The following TRAPPC8 variants were observed in gnomAD, a reference collection of about 807,000 sequenced individuals.
The protein encoded by TRAPPC8 is trafficking protein particle complex subunit 8.
A neutral mutation model predicts 174.3 loss-of-function variants in TRAPPC8; 54 were observed. That is an observed-to-expected ratio of 0.31 (90% CI 0.25 to 0.39). The LOEUF (loss-of-function observed/expected upper bound fraction) is 0.39. Ranked by LOEUF, TRAPPC8 falls within the 10% of genes least tolerant of loss-of-function variation. TRAPPC8 has a pLI of 1.00. For missense variants in TRAPPC8, 1,531 were observed against 1,699.1 expected, an observed-to-expected ratio of 0.90 and a Z score of 1.74; for synonymous variants, 630 against 579.9, an observed-to-expected ratio of 1.09 and a Z score of -1.24.
chr18:31,887,537 T>G (rs1160983300), intron 12 of TRAPPC8, among the ~76,000 whole-genome samples: 4 of 151,558 alleles, frequency 2.6e-5, no homozygotes, highest in Admixed American at 6.6e-5. Context: ...CCCCAGCTAC[T>G]TGGAAGGCTG....
In TRAPPC8 at chr18:31,874,999, C is replaced by T. The variant is rs1351779071; in HGVS notation, c.1729-295G>A. Among the ~76,000 whole-genome samples, 5 of 152,148 alleles carry T rather than the reference C, an allele frequency of 3.3e-5. No individual in the cohort carries two copies. In the East Asian group the frequency reaches 9.6e-4, roughly 29 times the overall value. ...ACATTTACCCACTACTTCTCTGAGC[C>T]ACAATTTCAAAACGTCAACTTCAGA... On this transcript the variant is annotated intron_variant, in intron 12 of 28. Coordinates refer to ENST00000283351, the MANE Select transcript of TRAPPC8 (RefSeq NM_014939.5).
At chr18:31,846,312 G>A (rs915893298) in intron 26 of TRAPPC8, among the ~76,000 whole-genome samples, 7 of 152,100 alleles carry the variant, frequency 4.6e-5, no homozygotes, top group South Asian at 4.1e-4. Flanking sequence ...GGTAGCTCAC[G>A]CCTATAATCT....
At chr18:31,880,122 T>TATATATATG (rs1491572903) in intron 12 of TRAPPC8, among the ~76,000 whole-genome samples, 6 of 65,926 alleles carry the variant, frequency 9.1e-5, no homozygotes, top group Non-Finnish European at 1.8e-4. Flanking sequence ...TATATATATA[T>TATATATATG]TTTTTTTTTT....
At chr18:31,857,514 A>C (rs2034084724) in intron 20 of TRAPPC8, 26 bp downstream of exon 20, 2 of 1,527,470 alleles carry the variant, frequency 1.3e-6, no homozygotes, top group East Asian at 4.6e-5. Context: ...ATAGATGTTA[A>C]ATTTTATAAG....
At chr18:31,920,121 C>T (rs2037321340) in intron 2 of TRAPPC8, among the ~76,000 whole-genome samples, 1 of 152,154 alleles carries the variant, frequency 6.6e-6, no homozygotes, top group South Asian at 2.1e-4. Flanking sequence ...AGAAAGGGAT[C>T]TCCACATATA....
intron 9 of TRAPPC8, among the ~76,000 whole-genome samples, chr18:31,901,953 A>G (rs1029680498): frequency 6.6e-6 from 1 of 152,202 alleles, no homozygotes; most frequent in African/African-American, 2.4e-5. Context: ...TCTGTTTTCT[A>G]GAGCTACTCA....
chr18:31,854,837 G>C (rs2033909452), intron 21 of TRAPPC8, among the ~76,000 whole-genome samples: 1 of 151,272 alleles, frequency 6.6e-6, no homozygotes, highest in African/African-American at 2.4e-5. Context: ...GGCGTGGTGG[G>C]TGCCTGTGGT....
chr18:31,913,570 T>A (rs11659244), intron 4 of TRAPPC8, 48 bp from the exon 5 acceptor site: 405,598 of 1,462,852 alleles, frequency 0.28, 60,952 homozygotes, highest in South Asian at 0.52. Flanking sequence ...GGAGCAGGCC[T>A]TAGGCAATAA....
At chr18:31,940,797 G>A (rs1014147539) in intron 1 of TRAPPC8, among the ~76,000 whole-genome samples, 2 of 151,982 alleles carry the variant, frequency 1.3e-5, no homozygotes, top group Admixed American at 6.6e-5. Context: ...GCGCCCGGCC[G>A]AAAATTTTTT....
intron 12 of TRAPPC8, among the ~76,000 whole-genome samples, chr18:31,887,238 G>A (rs1408677615): frequency 1.3e-5 from 2 of 152,096 alleles, no homozygotes; most frequent in African/African-American, 4.8e-5. Context: ...CAGAACTAAA[G>A]AGAAAAACCA....
intron 12 of TRAPPC8, among the ~76,000 whole-genome samples, chr18:31,877,239 G>C (rs1371874939): frequency 1.3e-5 from 2 of 152,220 alleles, no homozygotes; most frequent in Non-Finnish European, 2.9e-5. Context: ...ACACAGGAGA[G>C]GTTCTCCCTG....
At chr18:31,834,607 T>C (rs1261612870) in intron 27 of TRAPPC8, among the ~76,000 whole-genome samples, 1 of 152,198 alleles carries the variant, frequency 6.6e-6, no homozygotes, top group Non-Finnish European at 1.5e-5. Flanking sequence ...AGAATAATAA[T>C]TGATTCTACC....
chr18:31,900,241 A>C (rs1017773449), intron 10 of TRAPPC8, among the ~76,000 whole-genome samples: 1 of 152,160 alleles, frequency 6.6e-6, no homozygotes, highest in Admixed American at 6.5e-5. Context: ...CTCAAAAAAA[A>C]CCAGAAACAA....
At chr18:31,905,521 C>T (rs753474541) in intron 9 of TRAPPC8, among the ~76,000 whole-genome samples, 34 of 152,236 alleles carry the variant, frequency 2.2e-4, no homozygotes, top group Non-Finnish European at 4.9e-4. Context: ...CTTGCTCATC[C>T]CCATCTCTAT....
At chr18:31,927,837 C>T (rs1222125514) in intron 2 of TRAPPC8, among the ~76,000 whole-genome samples, 1 of 152,134 alleles carries the variant, frequency 6.6e-6, no homozygotes, top group Non-Finnish European at 1.5e-5. Context: ...TGCTTGAGGC[C>T]AGTGGTTTGA....
chr18:31,867,414 T>C lies in TRAPPC8; in HGVS notation c.2451A>G (p.Glu817=), dbSNP rs2034638174. Reference sequence around the variant, plus strand: ...ATAAAATAATTACCACTTTTGATTCTTCGCCATTAATTAAGAACTCTGAAA... The same window carrying C: ...ATAAAATAATTACCACTTTTGATTCCTCGCCATTAATTAAGAACTCTGAAA... The part of the protein sequence containing the change: ...EVISEFLING[E]ESKVARLKLF... The change falls in exon 17 of 29, where the codon GAA becomes GAG. Residue 817 remains glutamate (E), a synonymous_variant. Coordinates refer to ENST00000283351, the MANE Select transcript of TRAPPC8 (RefSeq NM_014939.5). The C allele has an allele frequency of 6.2e-7, 1 of 1,607,872 alleles. No homozygotes were observed. Among genetic ancestry groups the C allele is most frequent in the Non-Finnish European group, 8.5e-7 (1 of 1,175,170 alleles).
At chr18:31,938,576 C>T (rs2038200211) in intron 1 of TRAPPC8, among the ~76,000 whole-genome samples, 1 of 152,074 alleles carries the variant, frequency 6.6e-6, no homozygotes, top group South Asian at 2.1e-4. Flanking sequence ...AAATAAGTCT[C>T]CTGACAATAC....
At chr18:31,934,931 CAGAG>C (rs1296337041) in intron 1 of TRAPPC8, among the ~76,000 whole-genome samples, 1 of 148,104 alleles carries the variant, frequency 6.8e-6, no homozygotes, top group Non-Finnish European at 1.5e-5. Context: ...TGCTGGGCAA[CAGAG>C]AGAGGCTCCG....
At chr18:31,880,268 C>T (rs2035383997) in intron 12 of TRAPPC8, among the ~76,000 whole-genome samples, 1 of 151,076 alleles carries the variant, frequency 6.6e-6, no homozygotes, top group Non-Finnish European at 1.5e-5. Flanking sequence ...TACTAGCAAA[C>T]CAAATCCAGC....
Sources: gnomAD v4.1 joint callset for allele counts (sites outside exome capture counted in the v4.1 genomes callset) on GRCh38, gnomAD v4.1.1 for gene constraint, MANE v1.5 for transcripts, NCBI Gene and HGNC (gene_info 2026-07-23, HGNC 2026-07-21) for gene names.